Variants in ABCB1 observed in about 807,000 individuals in gnomAD.
ABCB1 encodes ATP binding cassette subfamily B member 1, also known as ATP-dependent translocase ABCB1.
In ABCB1, 69 loss-of-function variants were observed where a neutral mutation model predicts 142.0. The ratio of observed to expected loss-of-function variants is 0.49; its 90% confidence interval spans 0.40 to 0.59. The LOEUF (loss-of-function observed/expected upper bound fraction) is 0.59, where lower values mean the gene tolerates loss of function less well. Ranked by LOEUF, ABCB1 falls within the 20% of genes least tolerant of loss-of-function variation. The probability of loss-of-function intolerance (pLI) is 0.00; values close to 1 mark genes in which losing one functional copy is unlikely to be tolerated. For synonymous variants in ABCB1, 532 were observed against 539.2 expected, an observed-to-expected ratio of 0.99 and a Z score of 0.18; for missense variants, 1,326 against 1,554.7, an observed-to-expected ratio of 0.85 and a Z score of 2.47.
At chr7:87,511,180 CT>C (rs1280213803) in intron 25 of ABCB1, among the ~76,000 whole-genome samples, 30 of 152,136 alleles carry the variant, frequency 2.0e-4, no homozygotes, top group Admixed American at 2.0e-3. Context: ...CTGAAGAATT[CT>C]TTCTTTAAGT....
chr7:87,687,540 C>A (rs1401766772), intron 1 of ABCB1, among the ~76,000 whole-genome samples: 2 of 152,140 alleles, frequency 1.3e-5, no homozygotes, highest in African/African-American at 2.4e-5. Context: ...GTAAGCTTTA[C>A]CAGGACTAAG....
chr7:87,700,593 T>C, intron 1 of ABCB1: 2 of 1,572,946 alleles, frequency 1.3e-6, no homozygotes, highest in Non-Finnish European at 1.7e-6. Flanking sequence ...ATTTTTTTTT[T>C]CATTGCATGT....
At chr7:87,680,548 T>C (rs544382669) in intron 1 of ABCB1, among the ~76,000 whole-genome samples, 1 of 150,652 alleles carries the variant, frequency 6.6e-6, no homozygotes, top group Admixed American at 6.6e-5. Flanking sequence ...ATCCCAGCAC[T>C]TAGGGAGGCC....
intron 1 of ABCB1, among the ~76,000 whole-genome samples, chr7:87,699,097 A>T (rs1828773594): frequency 6.6e-6 from 1 of 152,198 alleles, no homozygotes; most frequent in African/African-American, 2.4e-5. Flanking sequence ...CATGGTTTGG[A>T]ACCACTCAGA....
intron 19 of ABCB1, chr7:87,537,007 C>G (rs897819043): frequency 5.0e-6 from 1 of 199,962 alleles, no homozygotes; most frequent in African/African-American, 2.4e-5. Context: ...GCAGAAACAG[C>G]ATGTGCAAAG....
In ABCB1 at chr7:87,676,225, T is replaced by TAAAC. The variant is rs548602027; in HGVS notation, c.-331+36932_-331+36935dup. On this transcript the variant is annotated intron_variant, in intron 1 of 28. Transcript: ENST00000265724. ...CTGGGTGATAGAACAAGACCCTGTC[T>TAAAC]AAACAAACAAACAAACAAACAAATG... Among the ~76,000 whole-genome samples the TAAAC allele has an allele frequency of 2.4e-4, 36 of 152,086 alleles. No individual in the cohort carries two copies. In the East Asian group the frequency reaches 3.5e-3, roughly 15 times the overall value.
At chr7:87,530,481 A>G (rs898320454) in intron 21 of ABCB1, among the ~76,000 whole-genome samples, 3 of 152,064 alleles carry the variant, frequency 2.0e-5, no homozygotes, top group Non-Finnish European at 4.4e-5. Flanking sequence ...AATAGACCCC[A>G]TATGGTTGCT....
intron 4 of ABCB1, among the ~76,000 whole-genome samples, chr7:87,583,002 G>A (rs1818579100): frequency 6.6e-6 from 1 of 152,120 alleles, no homozygotes; most frequent in South Asian, 2.1e-4. Context: ...AATAGGTACT[G>A]AGTAACTTTG....
chr7:87,639,852 CTT>C (rs1822243775), intron 1 of ABCB1, among the ~76,000 whole-genome samples: 1 of 151,754 alleles, frequency 6.6e-6, no homozygotes, highest in Admixed American at 6.6e-5. Flanking sequence ...TAATCTTAGT[CTT>C]TTAATTATTT....
intron 25 of ABCB1, among the ~76,000 whole-genome samples, chr7:87,513,457 G>C (rs978202625): frequency 1.8e-4 from 27 of 151,908 alleles, no homozygotes; most frequent in African/African-American, 6.3e-4. Context: ...GTATTGTATT[G>C]TTGTTTTCAA....
chr7:87,569,269 G>C (rs1027516267), intron 5 of ABCB1, among the ~76,000 whole-genome samples: 7 of 147,952 alleles, frequency 4.7e-5, no homozygotes, highest in Non-Finnish European at 8.9e-5. Flanking sequence ...GGAATCGAAG[G>C]TCGCAGTGAG....
chr7:87,586,279 G>A (rs28381823), intron 3 of ABCB1, among the ~76,000 whole-genome samples: 42 of 152,282 alleles, frequency 2.8e-4, no homozygotes, highest in Admixed American at 1.9e-3. Context: ...AATGACCCAC[G>A]TTGGAGATCT....
At chr7:87,653,626 T>C (rs1823797084) in intron 1 of ABCB1, among the ~76,000 whole-genome samples, 1 of 152,118 alleles carries the variant, frequency 6.6e-6, no homozygotes, top group Non-Finnish European at 1.5e-5. Flanking sequence ...AACCAACCTA[T>C]CATATTGTGC....
At chr7:87,631,265 G>A (rs1821187328) in intron 1 of ABCB1, among the ~76,000 whole-genome samples, 1 of 152,184 alleles carries the variant, frequency 6.6e-6, no homozygotes, top group Admixed American at 6.5e-5. Flanking sequence ...TACATTTTAA[G>A]TATCCCCATG....
rs374241420 is a variant in ABCB1 at position 87,585,597 on chromosome 7, G to A, written c.201C>T (p.Leu67=). The A allele has an allele frequency of 1.2e-6, 2 of 1,614,022 alleles. No individual in the cohort carries two copies. The highest frequency in any genetic ancestry group is 1.1e-5 in the South Asian group (1 of 91,084). ...TCATTTCTCCAAACACCAGCATCAT[G>A]AGAGGAAGTCCAGCCCCATGGATGA... The part of the protein sequence containing the change: ...AAIIHGAGLP[L]MMLVFGEMTD... Residue 67 remains leucine, a synonymous_variant, in exon 4 of 28, where the codon CTC becomes CTT. Coordinates refer to ENST00000622132, the MANE Select transcript of ABCB1 (RefSeq NM_001348946.2).
rs548678406 is a variant in ABCB1, at chr7:87,519,457, C to T, written c.2796G>A (p.Leu932=). The T allele has an allele frequency of 6.2e-7, 1 of 1,614,014 alleles. No homozygotes were observed. The highest frequency in any genetic ancestry group is 1.7e-5 in the Admixed American group (1 of 60,020). The change falls in exon 23 of 28, where the codon TTG becomes TTA. Residue 932 remains leucine (L), a synonymous_variant. Transcript: ENST00000622132. ...TAATTCCAAAGATGTGTGCTTTCCT[C>T]AAAGAGTTTCTGAAAAGAAGACATT... The part of the protein sequence containing the change: ...QSLQVPYRNS[L]RKAHIFGITF...
chr7:87,589,870 G>A (rs1159665905), intron 3 of ABCB1, among the ~76,000 whole-genome samples: 1 of 150,840 alleles, frequency 6.6e-6, no homozygotes, highest in Admixed American at 6.6e-5. Flanking sequence ...GAGAGAGAGA[G>A]AAAGAAAGAA....
chr7:87,544,737 T>C (rs1816694492), intron 16 of ABCB1, 86 bp downstream of exon 16: 1 of 1,342,480 alleles, frequency 7.4e-7, no homozygotes, highest in South Asian at 1.2e-5. Flanking sequence ...ACCTCTCTTG[T>C]TCCCACTCCT....
chr7:87,659,648 G>T (rs1247395631), intron 1 of ABCB1, among the ~76,000 whole-genome samples: 2 of 152,102 alleles, frequency 1.3e-5, no homozygotes, highest in East Asian at 3.9e-4. Flanking sequence ...TTATAGTGTA[G>T]ATACAGTTTG....
Sources: allele counts gnomAD v4.1 joint callset (sites outside exome capture counted in the v4.1 genomes callset), GRCh38; gene constraint gnomAD v4.1.1; transcripts MANE v1.5; gene names NCBI Gene and HGNC (gene_info 2026-07-23, HGNC 2026-07-21).